Variants in SNX14 observed in about 807,000 individuals in gnomAD.
The protein encoded by SNX14 is sorting nexin-14.
SNX14 carries 93 observed loss-of-function variants against 133.8 expected under a neutral mutation model. That is an observed-to-expected ratio of 0.70 (90% CI 0.59 to 0.83). The LOEUF is 0.83. SNX14 is among the 40% of genes least tolerant of loss of function. The pLI, the probability that SNX14 is intolerant of heterozygous loss-of-function variation, is 0.00. For synonymous variants in SNX14, 368 were observed against 365.6 expected (o/e 1.01, Z -0.07); for missense variants, 945 against 1,094.9 (o/e 0.86, Z 1.93).
Position 85,512,323 on chromosome 6 carries a change from CA to C in SNX14, c.2653+1476del, listed in dbSNP as rs553117503. The stretch of plus-strand genomic sequence containing the variant: ...GTCAAGGCCCTGGAGGTAAAACTCA[CA>C]AAAAAAGTGTGGATGGGCTGGGCAC... On this transcript the variant is annotated intron_variant, in intron 26 of 28. Transcript: ENST00000314673. Among the ~76,000 whole-genome samples the C allele has an allele frequency of 2.6e-5, 4 of 152,048 alleles. No homozygotes were observed. In the South Asian group the frequency reaches 8.3e-4, roughly 32 times the overall value.
At chr6:85,530,384 C>G in intron 18 of SNX14, 109 bp from the exon 19 acceptor site, 1 of 648,016 alleles carries the variant, frequency 1.5e-6, no homozygotes, top group Non-Finnish European at 2.4e-6. Flanking sequence ...GTGGCTCACG[C>G]CTATAATCCC....
chr6:85,548,425 G>T, intron 8 of SNX14, 49 bp from the exon 9 acceptor site: 1 of 1,371,070 alleles, frequency 7.3e-7, no homozygotes. Context: ...ATTTATATTA[G>T]TTCTTAACTT....
intron 1 of SNX14, among the ~76,000 whole-genome samples, chr6:85,578,074 A>C (rs1173794799): frequency 6.6e-6 from 1 of 152,156 alleles, no homozygotes; most frequent in African/African-American, 2.4e-5. Context: ...TTTGATTAAA[A>C]ACCTGATCAC....
intron 1 of SNX14, among the ~76,000 whole-genome samples, chr6:85,590,594 A>C (rs1802479953): frequency 6.6e-6 from 1 of 152,218 alleles, no homozygotes. Context: ...TTTTTAAGCC[A>C]GATCTCTTCC....
At chr6:85,533,335 G>C (rs1196113051) in intron 18 of SNX14, among the ~76,000 whole-genome samples, 1 of 152,208 alleles carries the variant, frequency 6.6e-6, no homozygotes, top group East Asian at 1.9e-4. Flanking sequence ...ACCATTAAAA[G>C]AACATTGCAT....
At chr6:85,572,056 A>T in intron 4 of SNX14, 81 bp downstream of exon 4, 1 of 1,217,672 alleles carries the variant, frequency 8.2e-7, no homozygotes, top group Admixed American at 2.2e-5. Context: ...TCCATGATTA[A>T]ATTTTTTGAT....
Position 85,548,390 on chromosome 6 carries a change from T to C in SNX14, c.792-14A>G. ...AAGGTCAGAGATCTGGAAAAAGAAATAATAATAATTGTTTATATTTAGTGA... is the reference window on the plus strand; with the variant it reads ...AAGGTCAGAGATCTGGAAAAAGAAACAATAATAATTGTTTATATTTAGTGA... On this transcript the variant is annotated splice_polypyrimidine_tract_variant and intron_variant, in intron 8 of 28. Transcript: ENST00000314673. 6.5e-7 allele frequency: 1 copy of C among 1,543,808 alleles called. No homozygotes were observed.
chr6:85,524,024 A>G (rs949199888), intron 21 of SNX14, among the ~76,000 whole-genome samples: 3 of 152,102 alleles, frequency 2.0e-5, no homozygotes, highest in African/African-American at 7.2e-5. Context: ...TCTACTAAAA[A>G]TACAAAAACT....
At chr6:85,569,506 C>T (rs1459166851) in intron 4 of SNX14, among the ~76,000 whole-genome samples, 2 of 152,214 alleles carry the variant, frequency 1.3e-5, no homozygotes, top group African/African-American at 4.8e-5. Context: ...TTCCTTTTCA[C>T]TCCCAGTGTA....
intron 20 of SNX14, among the ~76,000 whole-genome samples, chr6:85,526,800 T>C (rs1379524571): frequency 3.3e-5 from 5 of 152,248 alleles, no homozygotes; most frequent in East Asian, 1.9e-4. Context: ...CTGGGTGCGG[T>C]GGCTCATGCC....
intron 6 of SNX14, among the ~76,000 whole-genome samples, chr6:85,558,544 C>A (rs896011138): frequency 1.6e-4 from 24 of 152,180 alleles, no homozygotes; most frequent in African/African-American, 4.3e-4. Context: ...TCACTGCAGT[C>A]TCAGTCTCCC....
intron 17 of SNX14, among the ~76,000 whole-genome samples, chr6:85,536,187 A>G (rs562682368): frequency 3.3e-5 from 5 of 152,342 alleles, no homozygotes; most frequent in East Asian, 1.9e-4. Flanking sequence ...AAGGATGCCT[A>G]TGAATTTTCT....
At chr6:85,522,678 A>C (rs1224883090) in intron 21 of SNX14, among the ~76,000 whole-genome samples, 1 of 152,166 alleles carries the variant, frequency 6.6e-6, no homozygotes, top group Non-Finnish European at 1.5e-5. Context: ...GGATTTCTGA[A>C]ACCTAAATCT....
intron 7 of SNX14, among the ~76,000 whole-genome samples, chr6:85,551,045 T>C (rs1787656412): frequency 6.6e-6 from 1 of 152,156 alleles, no homozygotes; most frequent in Admixed American, 6.6e-5. Context: ...CCTCGCAAAG[T>C]GCTGGGATTA....
chr6:85,543,562 T>TGTAA, intron 13 of SNX14, 43 bp downstream of exon 13: 2 of 1,476,304 alleles, frequency 1.4e-6, no homozygotes, highest in Non-Finnish European at 1.8e-6. Flanking sequence ...ATGGAAAAAC[T>TGTAA]GTAAGAGTGC....
At chr6:85,509,290 A>C (rs893585206) in intron 26 of SNX14, among the ~76,000 whole-genome samples, 1 of 152,218 alleles carries the variant, frequency 6.6e-6, no homozygotes, top group African/African-American at 2.4e-5. Context: ...CAAAGCTGAG[A>C]CTGTTGAAAG....
rs1189263983 is a variant in SNX14, at chr6:85,557,861, T to C, written c.634+115A>G. On this transcript the variant is annotated intron_variant, in intron 7 of 28. Transcript: ENST00000314673. ...GACATTTCAGTTTAAGAGAATACTC[T>C]CGCATCAACTGTGAATATGTAAGTT... The C allele has an allele frequency of 4.5e-6, 3 of 661,550 alleles. No homozygotes were observed. The Admixed American group carries it at 8.6e-5, about 19-fold the overall frequency. 41.0% of individuals were successfully genotyped at this position (661,550 alleles called of 1,614,324 possible). A position where few individuals can be genotyped will look rare whatever the true frequency, so the allele number is the denominator to read the frequency against.
intron 1 of SNX14, among the ~76,000 whole-genome samples, chr6:85,575,763 T>C (rs1266016503): frequency 6.6e-6 from 1 of 152,184 alleles, no homozygotes; most frequent in Non-Finnish European, 1.5e-5. Context: ...AGGATGAAAA[T>C]GTCCCAGAAG....
intron 1 of SNX14, among the ~76,000 whole-genome samples, chr6:85,574,709 C>T (rs1299306295): frequency 2.0e-5 from 3 of 152,108 alleles, no homozygotes; most frequent in African/African-American, 7.2e-5. Context: ...GATTATTTTT[C>T]ACTACATCAA....
Sources: gnomAD v4.1 joint callset for allele counts (sites outside exome capture counted in the v4.1 genomes callset) on GRCh38, gnomAD v4.1.1 for gene constraint, MANE v1.5 for transcripts, NCBI Gene and HGNC (gene_info 2026-07-23, HGNC 2026-07-21) for gene names.